VIT: variants seen among roughly 807,000 people sequenced by gnomAD.
The protein encoded by VIT is vitrin.
VIT carries 99 observed loss-of-function variants against 78.0 expected under a neutral mutation model. The observed-to-expected ratio is 1.27, with a 90% CI of 1.08 to 1.50. The LOEUF is 1.50. Ranked by LOEUF, VIT falls within the 40% of genes most tolerant of loss-of-function variation. VIT has a pLI of 0.00. For missense variants in VIT, 1,126 were observed against 875.3 expected (o/e 1.29, Z -3.61); for synonymous variants, 374 against 334.3 (o/e 1.12, Z -1.29).
intron 4 of VIT, among the ~76,000 whole-genome samples, chr2:36,751,350 C>T (rs557607428): frequency 6.6e-6 from 1 of 152,320 alleles, no homozygotes; most frequent in East Asian, 1.9e-4. Context: ...GAGCTGAGAT[C>T]TCGCCACTGC....
At chr2:36,808,245 A>G (rs920332930) in intron 14 of VIT, among the ~76,000 whole-genome samples, 1 of 152,198 alleles carries the variant, frequency 6.6e-6, no homozygotes, top group Non-Finnish European at 1.5e-5. Context: ...CCACTAACGC[A>G]GGCAGGGACT....
intron 4 of VIT, among the ~76,000 whole-genome samples, chr2:36,751,976 T>C (rs1414927020): frequency 6.6e-6 from 1 of 152,148 alleles, no homozygotes; most frequent in Non-Finnish European, 1.5e-5. Context: ...GAGCAGAAAG[T>C]ATATTGGGGA....
chr2:36,761,862 T>C (rs1669143818), intron 6 of VIT, among the ~76,000 whole-genome samples: 1 of 152,202 alleles, frequency 6.6e-6, no homozygotes. Context: ...GTACTTTCTC[T>C]GTGCCACACA....
chr2:36,743,359 T>C, intron 4 of VIT, 103 bp downstream of exon 4: 1 of 1,210,198 alleles, frequency 8.3e-7, no homozygotes, highest in Non-Finnish European at 1.1e-6. Context: ...TATACAAATA[T>C]TTTTTAGCTC....
At position 36,814,606 on chromosome 2, in the gene VIT, A is replaced by C. The variant is rs1003957921; in HGVS notation, c.*245A>C. 7 of 474,712 alleles carry C rather than the reference A, an allele frequency of 1.5e-5. No individual in the cohort carries two copies. The highest frequency in any genetic ancestry group is 3.4e-5 in the East Asian group (1 of 29,194). 29.4% of individuals were successfully genotyped at this position (474,712 alleles called of 1,614,324 possible). A position where few individuals can be genotyped will look rare whatever the true frequency, so the allele number is the denominator to read the frequency against. Reference sequence around the variant, plus strand: ...ATGTTGAGGGTGCTGGAGATTTTACATTTTGACAATTGTTTTCAAAATAAA... The same window carrying C: ...ATGTTGAGGGTGCTGGAGATTTTACCTTTTGACAATTGTTTTCAAAATAAA... On this transcript the variant is annotated 3_prime_UTR_variant, in exon 16 of 16. Coordinates refer to ENST00000379242, the MANE Select transcript of VIT (RefSeq NM_053276.4).
chr2:36,791,378 T>C (rs1665492034), intron 12 of VIT, among the ~76,000 whole-genome samples: 1 of 152,130 alleles, frequency 6.6e-6, no homozygotes, highest in Admixed American at 6.6e-5. Flanking sequence ...AGAAGCAAAA[T>C]GCCGTGTCTG....
chr2:36,784,816 A>C (rs1341003240), intron 11 of VIT, among the ~76,000 whole-genome samples: 5 of 152,252 alleles, frequency 3.3e-5, no homozygotes, highest in African/African-American at 1.2e-4. Flanking sequence ...GCATCTTCAG[A>C]TCAGAATGTT....
chr2:36,762,409 TC>T (rs1669179134), intron 6 of VIT, among the ~76,000 whole-genome samples: 1 of 152,188 alleles, frequency 6.6e-6, no homozygotes, highest in Non-Finnish European at 1.5e-5. Context: ...TTTTATTCAT[TC>T]ATTCAATGTT....
Position 36,800,007 on chromosome 2 carries a change from C to T in VIT, c.1059-1294C>T, listed in dbSNP as rs551267336. ...AGACTGCAGTGAGCCAAGATCGAGC[C>T]AGTGTACTACAGCCTGGAGACACAG... On this transcript the variant is annotated intron_variant, in intron 12 of 15. Coordinates refer to ENST00000379242, the MANE Select transcript of VIT (RefSeq NM_053276.4). Among the ~76,000 whole-genome samples the T allele has an allele frequency of 4.8e-5, 7 of 146,284 alleles. No individual in the cohort carries two copies. The South Asian group carries it at 1.5e-3, about 31-fold the overall frequency.
At chr2:36,800,942 G>C (rs978750738) in intron 12 of VIT, among the ~76,000 whole-genome samples, 1 of 152,112 alleles carries the variant, frequency 6.6e-6, no homozygotes, top group Admixed American at 6.5e-5. Flanking sequence ...TGAGAACGCT[G>C]AGCACTCCAC....
intron 11 of VIT, 51 bp from the exon 12 acceptor site, chr2:36,787,078 T>C: frequency 6.2e-7 from 1 of 1,606,004 alleles, no homozygotes; most frequent in Non-Finnish European, 8.5e-7. Context: ...GATGCCCAGG[T>C]AAATGCAGTG....
chr2:36,803,956 A>G (rs1026114437), intron 13 of VIT, among the ~76,000 whole-genome samples: 2 of 152,140 alleles, frequency 1.3e-5, no homozygotes, highest in Non-Finnish European at 1.5e-5. Context: ...CCTACTCTAT[A>G]CAGCCATGCT....
intron 3 of VIT, among the ~76,000 whole-genome samples, chr2:36,738,582 G>A (rs192270259): frequency 1.3e-4 from 20 of 152,234 alleles, no homozygotes; most frequent in Admixed American, 3.9e-4. Flanking sequence ...CTCTTGAACA[G>A]CAGTGAACAA....
At chr2:36,743,023 G>C in intron 3 of VIT, 77 bp from the exon 4 acceptor site, 1 of 1,573,634 alleles carries the variant, frequency 6.4e-7, no homozygotes, top group Non-Finnish European at 8.7e-7. Flanking sequence ...TAAGTCAATA[G>C]TTGAGACCTA....
rs371587076 is a variant in VIT, at chr2:36,759,059, G to A, written c.487+13G>A. The A allele has an allele frequency of 3.6e-5, 58 of 1,613,946 alleles. No individual in the cohort carries two copies. In the Admixed American group the frequency reaches 4.3e-4, roughly 12 times the overall value. ...GCTGCCCAAGCAGGCAAGTGCTCAC[G>A]TGTGATTGAATCTAAACCTTCTGAG... On this transcript the variant is annotated intron_variant, in intron 6 of 15. Transcript: ENST00000379242.
chr2:36,793,350 C>G (rs1170659517), intron 12 of VIT, among the ~76,000 whole-genome samples: 1 of 152,216 alleles, frequency 6.6e-6, no homozygotes, highest in African/African-American at 2.4e-5. Flanking sequence ...TAAGACCCTG[C>G]TCCTCCTTCT....
intron 13 of VIT, among the ~76,000 whole-genome samples, chr2:36,801,828 TC>T (rs1666354242): frequency 6.6e-6 from 1 of 152,044 alleles, no homozygotes; most frequent in Admixed American, 6.5e-5. Flanking sequence ...CTATATCTTT[TC>T]TAAAGTTATC....
intron 15 of VIT, among the ~76,000 whole-genome samples, chr2:36,813,533 C>A (rs1016510601): frequency 6.6e-6 from 1 of 152,084 alleles, no homozygotes. Context: ...GTTGGACACC[C>A]CTTTCTTTAT....
Position 36,792,865 on chromosome 2 carries a change from T to C in VIT, c.1058+5589T>C, listed in dbSNP as rs1406482695. 1.3e-5 allele frequency among the ~76,000 whole-genome samples: 2 copies of C among 152,090 alleles called. 1 individual carries two copies. Among genetic ancestry groups the C allele is most frequent in the Non-Finnish European group, 2.9e-5 (2 of 68,034 alleles). ...TTCCCTTCTCTAGACTTCTTATTTA[T>C]TTTCCTTCTTTCATCTTATCACTGG... On this transcript the variant is annotated intron_variant, in intron 12 of 15. Transcript: ENST00000379242.
Sources: allele counts gnomAD v4.1 joint callset (sites outside exome capture counted in the v4.1 genomes callset), GRCh38; gene constraint gnomAD v4.1.1; transcripts MANE v1.5; gene names NCBI Gene and HGNC (gene_info 2026-07-23, HGNC 2026-07-21).